MAMSTR: variants seen among roughly 807,000 people sequenced by gnomAD.
The protein encoded by MAMSTR is MEF2-activating motif and SAP domain-containing transcriptional regulator.
MAMSTR carries 41 observed loss-of-function variants against 42.7 expected under a neutral mutation model. The observed-to-expected ratio is 0.96, with a 90% CI of 0.75 to 1.25. MAMSTR has a LOEUF of 1.25. Ranked by LOEUF, MAMSTR falls within the 50% of genes most tolerant of loss-of-function variation. The pLI, the probability that MAMSTR is intolerant of heterozygous loss-of-function variation, is 0.00. For synonymous variants in MAMSTR, 265 were observed against 244.1 expected (o/e 1.09, Z -0.80); for missense variants, 567 against 557.6 (o/e 1.02, Z -0.17).
At chr19:48,715,506 A>T (rs2032974916) in intron 4 of MAMSTR, 60 bp from the exon 5 acceptor site, 1 of 1,463,646 alleles carries the variant, frequency 6.8e-7, no homozygotes, top group Non-Finnish European at 9.0e-7. Flanking sequence ...CGGCCCCAGG[A>T]CTACATGCAA....
intron 3 of MAMSTR, among the ~76,000 whole-genome samples, chr19:48,716,132 T>C (rs1340834427): frequency 2.0e-5 from 3 of 151,878 alleles, no homozygotes; most frequent in Non-Finnish European, 4.4e-5. Flanking sequence ...TCCCAGCAGT[T>C]TGGGAGACTG....
chr19:48,715,612 A>G lies in MAMSTR; in HGVS notation c.240+13T>C. The G allele has an allele frequency of 6.5e-7, 1 of 1,530,762 alleles. No individual in the cohort carries two copies. Among genetic ancestry groups the G allele is most frequent in the Non-Finnish European group, 8.8e-7 (1 of 1,141,604 alleles). The allele number at this position is 1,530,762 out of a possible 1,614,324, so 94.8% of individuals were successfully genotyped here. Reference sequence around the variant, plus strand: ...GGCTCTCAGAGGGACCTCTCCCTCCAGTCGAGACTCACCTTCTTTGGGGAC... The same window carrying G: ...GGCTCTCAGAGGGACCTCTCCCTCCGGTCGAGACTCACCTTCTTTGGGGAC... On this transcript the variant is annotated intron_variant, in intron 4 of 9. Coordinates refer to ENST00000318083, the MANE Select transcript of MAMSTR (RefSeq NM_001130915.2).
chr19:48,714,854 G>A lies in MAMSTR; in HGVS notation c.480C>T (p.Pro160=), dbSNP rs33988101. The A allele has an allele frequency of 5.0e-6, 8 of 1,611,928 alleles. No homozygotes were observed. In the Admixed American group the frequency reaches 1.3e-4, roughly 27 times the overall value. ...PCPPGVPSPS[P]PPHKLELQTL... is the part of the protein sequence containing the mutation. ...TCTGAAGTTCCAACTTGTGTGGGGG[G>A]GGCGAGGGGCTAGGGACTCCTGGTG... Residue 160 remains proline, a synonymous_variant, in exon 6 of 10, where the codon CCC becomes CCT. Coordinates refer to ENST00000318083, the MANE Select transcript of MAMSTR (RefSeq NM_001130915.2).
rs181524999 is a variant in MAMSTR at position 48,713,073 on chromosome 19, G to A, written c.*194C>T. 7.8e-4 allele frequency: 418 copies of A among 538,184 alleles called. 1 individual carries two copies. The African/African-American group carries it at 7.8e-3, about 10-fold the overall frequency. The allele number at this position is 538,184 out of a possible 1,614,324, so 33.3% of individuals were successfully genotyped here. On this transcript the variant is annotated 3_prime_UTR_variant, in exon 10 of 10. Transcript: ENST00000318083. ...CCCCAACCATACCACGCCGGAGGGG[G>A]ATCATAAGGAGGCCAGGTAGGCAAA...
downstream of MAMSTR, among the ~76,000 whole-genome samples, chr19:48,707,883 GAAAGAAAAGAAAGA>G (rs1568464067): frequency 1.6e-3 from 175 of 106,106 alleles, 1 homozygote; most frequent in African/African-American, 6.5e-3. Flanking sequence ...AAGAAAGAAA[GAAAGAAAAGAAAGA>G]AAGAAAGGAA....
At chr19:48,712,258 A>G (rs1312220721), downstream of MAMSTR, among the ~76,000 whole-genome samples, 4 of 152,154 alleles carry the variant, frequency 2.6e-5, no homozygotes, top group African/African-American at 9.7e-5. Flanking sequence ...GTCCCAAGAC[A>G]GGAAAGACTC....
At chr19:48,710,852 G>T (rs1409311542), downstream of MAMSTR, among the ~76,000 whole-genome samples, 1 of 152,136 alleles carries the variant, frequency 6.6e-6, no homozygotes, top group Non-Finnish European at 1.5e-5. Context: ...CTCCCAAAGT[G>T]CTGGCATTAC....
At chr19:48,717,181 C>T (rs2033077627) in intron 2 of MAMSTR, among the ~76,000 whole-genome samples, 1 of 152,200 alleles carries the variant, frequency 6.6e-6, no homozygotes, top group Non-Finnish European at 1.5e-5. Context: ...TCCACATTTT[C>T]AGTATGCATC....
intron 3 of MAMSTR, 70 bp downstream of exon 3, chr19:48,716,635 G>A: frequency 7.7e-7 from 1 of 1,303,382 alleles, no homozygotes; most frequent in Non-Finnish European, 9.9e-7. Flanking sequence ...GTATCTGGCA[G>A]CTGTATTCCA....
the MAMSTR span, among the ~76,000 whole-genome samples, chr19:48,706,664 C>T: frequency 5.3e-5 from 8 of 152,154 alleles, no homozygotes; most frequent in South Asian, 2.1e-4. Context: ...ACTTTTACAA[C>T]GATTTTTTAG....
the MAMSTR span, among the ~76,000 whole-genome samples, chr19:48,707,345 G>A: frequency 6.6e-6 from 1 of 151,780 alleles, no homozygotes; most frequent in Non-Finnish European, 1.5e-5. Context: ...GAATCCGGGA[G>A]GTGGAGGTTG....
In MAMSTR at chr19:48,712,931, G is replaced by C. The variant is rs1419380488; in HGVS notation, c.*336C>G. 1 of 224,570 alleles carries C rather than the reference G, an allele frequency of 4.5e-6. No individual in the cohort carries two copies. The highest frequency in any genetic ancestry group is 8.6e-6 in the Non-Finnish European group (1 of 116,306). The allele number at this position is 224,570 out of a possible 1,614,324, so 13.9% of individuals were successfully genotyped here. A position where few individuals can be genotyped will look rare whatever the true frequency, so the allele number is the denominator to read the frequency against. On this transcript the variant is annotated 3_prime_UTR_variant, in exon 10 of 10. Transcript: ENST00000318083. ...ATCCAAAAGGCATAACCACCTTCCA[G>C]GCTCCCCAAACAACAGGGAGCCATC...
Position 48,716,013 on chromosome 19 carries a change from A to G in MAMSTR, c.98-246T>C, listed in dbSNP as rs1166096322. 99 of 1,260,164 alleles carry G rather than the reference A, an allele frequency of 7.9e-5. 1 individual carries two copies. The highest frequency in any genetic ancestry group is 9.6e-5 in the Non-Finnish European group (95 of 986,778). The allele number at this position is 1,260,164 out of a possible 1,614,324, so 78.1% of individuals were successfully genotyped here. On this transcript the variant is annotated intron_variant, in intron 3 of 9. Coordinates refer to ENST00000318083, the MANE Select transcript of MAMSTR (RefSeq NM_001130915.2). ...GGGGTGTGGTAGCTGAGGATCACAG[A>G]TGTCTGAGGTTTTGCTAGGACAGGG... is the stretch of plus-strand genomic sequence containing the variant.
downstream of MAMSTR, among the ~76,000 whole-genome samples, chr19:48,707,901 A>AAAGAAAGAAAAGAAAGAAAGAAAGG (rs1555755230): frequency 1.3e-4 from 17 of 128,546 alleles, no homozygotes; most frequent in African/African-American, 4.8e-4. Context: ...AGAAAGAAAG[A>AAAGAAAGAAAAGAAAGAAAGAAAGG]AAGGAAGAAA....
chr19:48,710,531 C>G (rs983248900), downstream of MAMSTR, among the ~76,000 whole-genome samples: 4 of 151,274 alleles, frequency 2.6e-5, no homozygotes, highest in Non-Finnish European at 1.5e-5. Context: ...AAGTGATCCT[C>G]CTGCCTCAGC....
At chr19:48,717,353 A>T (rs746512881) in intron 2 of MAMSTR, among the ~76,000 whole-genome samples, 1 of 151,406 alleles carries the variant, frequency 6.6e-6, no homozygotes, top group Non-Finnish European at 1.5e-5. Context: ...CTCACTCTGT[A>T]ACCCAGGCTG....
Position 48,715,617 on chromosome 19 carries a change from A to C in MAMSTR, c.240+8T>G. The C allele has an allele frequency of 1.3e-6, 2 of 1,534,298 alleles. No homozygotes were observed. The highest frequency in any genetic ancestry group is 1.8e-6 in the Non-Finnish European group (2 of 1,142,572). On this transcript the variant is annotated splice_region_variant and intron_variant, in intron 4 of 9. Transcript: ENST00000318083. ...TCAGAGGGACCTCTCCCTCCAGTCG[A>C]GACTCACCTTCTTTGGGGACCTCCA...
chr19:48,715,697 G>A lies in MAMSTR; in HGVS notation c.168C>T (p.Ala56=), dbSNP rs1288997917. The A allele has an allele frequency of 3.2e-6, 5 of 1,539,332 alleles. No individual in the cohort carries two copies. In the African/African-American group the frequency reaches 7.0e-5, roughly 21 times the overall value. The change falls in exon 4 of 10, where the codon GCC becomes GCT. Residue 56 remains alanine (A), a synonymous_variant. Coordinates refer to ENST00000318083, the MANE Select transcript of MAMSTR (RefSeq NM_001130915.2). ...PLAPALPSGT[A]PFLFSPGVLL... is the part of the protein sequence containing the mutation. The stretch of plus-strand genomic sequence containing the variant: ...GGACCCCAGGGCTGAAGAGGAAAGG[G>A]GCCGTGCCCGAGGGCAAGGCCGGGG...
intron 2 of MAMSTR, among the ~76,000 whole-genome samples, chr19:48,718,481 G>A (rs551702884): frequency 8.3e-5 from 12 of 145,372 alleles, no homozygotes; most frequent in African/African-American, 2.0e-4. Flanking sequence ...TCCTCCTCCC[G>A]GGTTCAAGCG....
Sources: gnomAD v4.1 joint callset for allele counts (sites outside exome capture counted in the v4.1 genomes callset) on GRCh38, gnomAD v4.1.1 for gene constraint, MANE v1.5 for transcripts, NCBI Gene and HGNC (gene_info 2026-07-23, HGNC 2026-07-21) for gene names.